Variants in EML1 observed in about 807,000 individuals in gnomAD.
The protein encoded by EML1 is echinoderm microtubule-associated protein-like 1.
EML1 carries 27 observed loss-of-function variants against 110.4 expected under a neutral mutation model. The ratio of observed to expected loss-of-function variants is 0.24; its 90% CI spans 0.18 to 0.34. The LOEUF is 0.34. Ranked by LOEUF, EML1 falls within the 10% of genes least tolerant of loss-of-function variation. EML1 has a pLI of 1.00. For synonymous variants in EML1, 344 were observed against 385.8 expected (o/e 0.89, Z 1.27); for missense variants, 741 against 1,030.9 (o/e 0.72, Z 3.85).
intron 6 of EML1, among the ~76,000 whole-genome samples, chr14:99,896,509 A>G (rs1174588978): frequency 6.6e-6 from 1 of 152,226 alleles, no homozygotes; most frequent in Non-Finnish European, 1.5e-5. Flanking sequence ...AACATTATTC[A>G]AAACATTTAT....
chr14:99,893,919 T>TA, intron 5 of EML1, among the ~76,000 whole-genome samples: 1 of 152,364 alleles, frequency 6.6e-6, no homozygotes, highest in South Asian at 2.1e-4. Context: ...CCCGTGTTGA[T>TA]ACGTTGTTGA....
At chr14:99,908,763 G>T (rs1191847376) in intron 10 of EML1, among the ~76,000 whole-genome samples, 1 of 152,210 alleles carries the variant, frequency 6.6e-6, no homozygotes, top group Non-Finnish European at 1.5e-5. Context: ...GGTTCACTGA[G>T]CCACAGGCAG....
intron 2 of EML1, among the ~76,000 whole-genome samples, chr14:99,854,370 G>A (rs2058865447): frequency 6.6e-6 from 1 of 152,172 alleles, no homozygotes; most frequent in Admixed American, 6.5e-5. Flanking sequence ...GATGAGAACT[G>A]CAGGTTCATG....
In EML1 at chr14:99,827,236, T is replaced by C. The variant is rs1479655071; in HGVS notation, c.68-23617T>C. 6.6e-6 allele frequency among the ~76,000 whole-genome samples: 1 copy of C among 151,724 alleles called. No homozygotes were observed. Among genetic ancestry groups the C allele is most frequent in the African/African-American group, 2.4e-5 (1 of 41,258 alleles). ...GAAGAGGAGATTAGTCACAGACACG[T>C]AGAGGAGGATGACCACCTGAAGACA... On this transcript the variant is annotated intron_variant, in intron 1 of 21. Transcript: ENST00000262233. This position sits in a 1 kb window ranked among gnomAD's most constrained non-coding sequence, Gnocchi z 4.4.
At chr14:99,747,898 C>T (rs986865651) in intron 1 of EML1, among the ~76,000 whole-genome samples, 2 of 152,212 alleles carry the variant, frequency 1.3e-5, no homozygotes, top group African/African-American at 4.8e-5. Flanking sequence ...CCTGGACTTT[C>T]TTCCTTTTCT....
chr14:99,907,871 G>A, intron 10 of EML1, 138 bp downstream of exon 10: 2 of 715,756 alleles, frequency 2.8e-6, no homozygotes, highest in Non-Finnish European at 2.3e-6. Context: ...GAATCGTTTG[G>A]CCCCGATCCC....
upstream of EML1, chr14:99,793,284 G>A (rs2057702338): frequency 1.0e-6 from 1 of 972,504 alleles, no homozygotes; most frequent in Non-Finnish European, 1.2e-6. Context: ...CTCGCGGGCG[G>A]AGCGGGCGCT....
At chr14:99,815,301 C>A (rs1320641473) in intron 1 of EML1, among the ~76,000 whole-genome samples, 1 of 151,974 alleles carries the variant, frequency 6.6e-6, no homozygotes, top group African/African-American at 2.4e-5. Context: ...GCCACCACTC[C>A]CGGCTAATTT....
At chr14:99,796,874 A>G (rs1159333642) in intron 1 of EML1, among the ~76,000 whole-genome samples, 2 of 151,868 alleles carry the variant, frequency 1.3e-5, no homozygotes, top group East Asian at 1.9e-4. Flanking sequence ...AGAACTAGGA[A>G]GGGCTTGGAT....
chr14:99,912,879 A>T (rs2059968158), intron 13 of EML1, among the ~76,000 whole-genome samples: 1 of 152,154 alleles, frequency 6.6e-6, no homozygotes, highest in Non-Finnish European at 1.5e-5. Flanking sequence ...CATCAACTTG[A>T]CTCAAATCTG....
chr14:99,803,118 T>A (rs2057912450), intron 1 of EML1, among the ~76,000 whole-genome samples: 1 of 152,192 alleles, frequency 6.6e-6, no homozygotes, highest in African/African-American at 2.4e-5. Context: ...TGGGATCGTC[T>A]CTGTGTCTTT....
chr14:99,817,838 T>C (rs2058195194), intron 1 of EML1, among the ~76,000 whole-genome samples: 1 of 152,092 alleles, frequency 6.6e-6, no homozygotes, highest in Admixed American at 6.6e-5. Context: ...GTAAGTGCCA[T>C]GATCACAGTA....
chr14:99,807,730 G>A (rs894449743), intron 1 of EML1, among the ~76,000 whole-genome samples: 1 of 152,218 alleles, frequency 6.6e-6, no homozygotes, highest in African/African-American at 2.4e-5. Flanking sequence ...GCAGGGGAGA[G>A]AGGGTGGAGA....
chr14:99,792,610 C>G (rs1014570675), upstream of EML1: 14 of 152,206 alleles, frequency 9.2e-5, no homozygotes, highest in Non-Finnish European at 1.0e-4. Context: ...TTTCCTTAGT[C>G]CTGTAGCAAG....
At chr14:99,865,388 C>T (rs896122214) in intron 2 of EML1, 126 bp from the exon 3 acceptor site, 22 of 1,200,906 alleles carry the variant, frequency 1.8e-5, no homozygotes, top group African/African-American at 7.6e-5. Context: ...GTTGCTCACT[C>T]GCTCACTGCT....
chr14:99,740,672 C>T (rs2057031558), intron 1 of EML1, among the ~76,000 whole-genome samples: 1 of 152,188 alleles, frequency 6.6e-6, no homozygotes, highest in Non-Finnish European at 1.5e-5. Flanking sequence ...AAGGCGCTTC[C>T]TTTACAGTTG....
chr14:99,862,791 C>T (rs767482979), intron 2 of EML1, among the ~76,000 whole-genome samples: 5 of 152,130 alleles, frequency 3.3e-5, no homozygotes, highest in East Asian at 1.9e-4. Context: ...CTGCCCCAGC[C>T]GTACGTGCTG....
chr14:99,764,357 G>A (rs1170461572), intron 1 of EML1, among the ~76,000 whole-genome samples: 2 of 152,224 alleles, frequency 1.3e-5, no homozygotes, highest in East Asian at 1.9e-4. Context: ...CCAAGGTCAC[G>A]CAGATAGTGC....
At chr14:99,864,695 C>G (rs1409488171) in intron 2 of EML1, among the ~76,000 whole-genome samples, 1 of 151,834 alleles carries the variant, frequency 6.6e-6, no homozygotes, top group Non-Finnish European at 1.5e-5. Context: ...ACCTGTAATC[C>G]CAGCTACTCA....
Sources: allele counts gnomAD v4.1 joint callset (sites outside exome capture counted in the v4.1 genomes callset), GRCh38; gene constraint gnomAD v4.1.1; non-coding constraint Gnocchi (gnomAD v3.1); transcripts MANE v1.5; gene names NCBI Gene and HGNC (gene_info 2026-07-23, HGNC 2026-07-21).